Variants in SLIT3 observed in about 807,000 individuals in gnomAD.
SLIT3 encodes slit guidance ligand 3.
SLIT3 carries 68 observed loss-of-function variants against 184.0 expected under a neutral mutation model. The ratio of observed to expected loss-of-function variants is 0.37; its 90% confidence interval spans 0.30 to 0.45. SLIT3 has a LOEUF of 0.45. Ranked by LOEUF, SLIT3 falls within the 20% of genes least tolerant of loss-of-function variation. The probability of loss-of-function intolerance (pLI) is 1.00; values close to 1 mark genes in which losing one functional copy is unlikely to be tolerated. For missense variants in SLIT3, 1,707 were observed against 2,026.0 expected, an observed-to-expected ratio of 0.84 and a Z score of 3.02; for synonymous variants, 831 against 828.6, an observed-to-expected ratio of 1.00 and a Z score of -0.05.
At chr5:169,251,562 C>A in intron 1 of SLIT3, 103 bp from the exon 2 acceptor site, 2 of 784,716 alleles carry the variant, frequency 2.5e-6, no homozygotes, top group Non-Finnish European at 2.3e-6. Flanking sequence ...GTCCAGAAGG[C>A]GGCAATTCTG....
intron 24 of SLIT3, among the ~76,000 whole-genome samples, chr5:168,711,897 A>C (rs1008427770): frequency 6.6e-6 from 1 of 152,220 alleles, no homozygotes; most frequent in African/African-American, 2.4e-5. Flanking sequence ...TTTGGAGTCA[A>C]GGCAAACCTA....
chr5:168,722,888 G>C, intron 22 of SLIT3, 45 bp downstream of exon 22: 1 of 1,444,622 alleles, frequency 6.9e-7, no homozygotes, highest in South Asian at 1.1e-5. Context: ...ACCATCTACT[G>C]CTAGGCCCAA....
intron 9 of SLIT3, among the ~76,000 whole-genome samples, chr5:168,805,578 C>A (rs1756927465): frequency 6.6e-6 from 1 of 152,210 alleles, no homozygotes; most frequent in Non-Finnish European, 1.5e-5. Context: ...GAATGAGATA[C>A]TGGCCATTTT....
intron 4 of SLIT3, among the ~76,000 whole-genome samples, chr5:169,014,947 T>A (rs60091536): frequency 0.2 from 30,125 of 151,750 alleles, 3,430 homozygotes; most frequent in East Asian, 0.54. Flanking sequence ...CGAGACTCCA[T>A]CTCAAAAAAA....
rs1023389512 is a variant in SLIT3 at position 168,666,362 on chromosome 5, T to C, written c.*92A>G. ...TCTTTACCTTCCTCTCCAGCTTCAT[T>C]TCCTTCATGCTGAATCACCAGGGGG... is the stretch of plus-strand genomic sequence containing the variant. On this transcript the variant is annotated 3_prime_UTR_variant, in exon 36 of 36. Transcript: ENST00000519560. 1.5e-5 allele frequency: 19 copies of C among 1,254,904 alleles called. No individual in the cohort carries two copies. Among genetic ancestry groups the C allele is most frequent in the African/African-American group, 4.5e-5 (3 of 66,760 alleles). The allele number at this position is 1,254,904 out of a possible 1,614,324, so 77.7% of individuals were successfully genotyped here.
intron 32 of SLIT3, among the ~76,000 whole-genome samples, chr5:168,678,643 A>G (rs1271784845): frequency 1.3e-5 from 2 of 152,156 alleles, no homozygotes; most frequent in Non-Finnish European, 2.9e-5. Context: ...AGATCGCGCT[A>G]CTGCACTCCA....
At position 168,671,336 on chromosome 5, in the gene SLIT3, G is replaced by T. The variant is rs1761235301; in HGVS notation, c.3989C>A (p.Pro1330Gln). The T allele has an allele frequency of 1.2e-6, 2 of 1,613,990 alleles. No individual in the cohort carries two copies. ...GCACACGGTGCAGGACTTGCAGCCT[G>T]GTGACACCCCCAGGGACTGTGGTGG... ...ALPPQSLGVS[P>Q]GCKSCTVCKH... Residue 1330 changes from proline to glutamine, a missense_variant, in exon 34 of 36, where the codon CCA becomes CAA. This residue lies in a region of SLIT3 where 387 missense variants were observed against 477.9 expected (regional missense o/e 0.81). Coordinates refer to ENST00000519560, the MANE Select transcript of SLIT3 (RefSeq NM_003062.4).
intron 3 of SLIT3, among the ~76,000 whole-genome samples, chr5:169,198,951 T>TACAC (rs1477377593): frequency 4.3e-5 from 3 of 69,740 alleles, no homozygotes; most frequent in Admixed American, 1.9e-4. Context: ...ACAAACAAAC[T>TACAC]ATACACACAC....
intron 4 of SLIT3, among the ~76,000 whole-genome samples, chr5:169,081,697 G>A (rs1236629680): frequency 2.0e-5 from 3 of 152,188 alleles, no homozygotes; most frequent in African/African-American, 7.2e-5. Context: ...GAAGGCATGA[G>A]TCCCGGCAGC....
chr5:169,064,387 C>A (rs1007729626), intron 4 of SLIT3, among the ~76,000 whole-genome samples: 1 of 152,190 alleles, frequency 6.6e-6, no homozygotes, highest in Non-Finnish European at 1.5e-5. Flanking sequence ...TTGGTGAATG[C>A]CCACTATGTG....
At chr5:168,709,072 A>G (rs978026214) in intron 25 of SLIT3, among the ~76,000 whole-genome samples, 3 of 151,144 alleles carry the variant, frequency 2.0e-5, no homozygotes, top group Admixed American at 2.0e-4. Flanking sequence ...GCTGCCTTAC[A>G]CTACCAGCTA....
chr5:169,278,726 G>A (rs767354852), intron 1 of SLIT3, among the ~76,000 whole-genome samples: 3 of 152,104 alleles, frequency 2.0e-5, no homozygotes, highest in Non-Finnish European at 4.4e-5. Context: ...CAAGGTTTGA[G>A]ACAAGGAACC....
chr5:168,821,086 AAC>A (rs797019021), intron 7 of SLIT3, among the ~76,000 whole-genome samples: 3 of 152,308 alleles, frequency 2.0e-5, no homozygotes, highest in African/African-American at 7.2e-5. Flanking sequence ...GAGCAAAGAG[AAC>A]AGACGAGATT....
intron 4 of SLIT3, among the ~76,000 whole-genome samples, chr5:169,183,400 T>C (rs1763233183): frequency 6.6e-6 from 1 of 152,138 alleles, no homozygotes; most frequent in African/African-American, 2.4e-5. Context: ...ATGGCCAAGA[T>C]TTAGGAGGTT....
chr5:168,932,258 G>GTTTGTTT (rs763321364), intron 4 of SLIT3, among the ~76,000 whole-genome samples: 1 of 103,560 alleles, frequency 9.7e-6, no homozygotes, highest in Non-Finnish European at 2.0e-5. Flanking sequence ...TTGTTGTTGT[G>GTTTGTTT]TTTTTTTTTT....
intron 30 of SLIT3, among the ~76,000 whole-genome samples, chr5:168,686,459 T>C (rs775358674): frequency 1.3e-4 from 20 of 152,196 alleles, no homozygotes; most frequent in Non-Finnish European, 2.2e-4. Context: ...GAGAACACTA[T>C]ATACTAAGTG....
chr5:169,289,561 A>C (rs987213051), intron 1 of SLIT3, among the ~76,000 whole-genome samples: 3 of 152,226 alleles, frequency 2.0e-5, no homozygotes, highest in Admixed American at 1.3e-4. Context: ...ATAAAGACGA[A>C]GTCTGAGGTT....
intron 1 of SLIT3, among the ~76,000 whole-genome samples, chr5:169,297,919 T>C (rs1767561804): frequency 1.3e-5 from 2 of 152,238 alleles, no homozygotes; most frequent in South Asian, 4.1e-4. Flanking sequence ...GTTTGTTGAA[T>C]GAATGAAGGC....
At chr5:169,086,016 A>T (rs949170967) in intron 4 of SLIT3, among the ~76,000 whole-genome samples, 9 of 152,034 alleles carry the variant, frequency 5.9e-5, no homozygotes, top group African/African-American at 2.2e-4. Context: ...AGAGGCCCTC[A>T]TTTTCCCTAC....
Sources: gnomAD v4.1 joint callset for allele counts (sites outside exome capture counted in the v4.1 genomes callset) on GRCh38, gnomAD v4.1.1 for gene constraint, gnomAD v4.1.1 regional missense constraint, MANE v1.5 for transcripts, NCBI Gene and HGNC (gene_info 2026-07-23, HGNC 2026-07-21) for gene names.